The following DCUN1D2 variants were observed in gnomAD, a reference collection of about 807,000 sequenced individuals.
The protein encoded by DCUN1D2 is defective in cullin neddylation 1 domain containing 2, also known as DCN1-like protein 2.
DCUN1D2 carries 29 observed loss-of-function variants against 30.9 expected under a neutral mutation model. The observed-to-expected ratio is 0.94, with a 90% confidence interval of 0.70 to 1.28. DCUN1D2 has a LOEUF of 1.28. DCUN1D2 is among the 50% of genes most tolerant of loss of function. The pLI is 0.00. For synonymous variants in DCUN1D2, 121 were observed against 115.3 expected (o/e 1.05, Z -0.32); for missense variants, 325 against 316.9 (o/e 1.03, Z -0.19).
At position 113,486,693 on chromosome 13, in the gene DCUN1D2, C is replaced by A. The variant is rs977415332; in HGVS notation, c.4-2637G>T. On this transcript the variant is annotated intron_variant, in intron 1 of 6. Coordinates refer to ENST00000478244, the MANE Select transcript of DCUN1D2 (RefSeq NM_001014283.2). ...CCTCCAGGAAAACATATATGGCCCT[C>A]ACACGTGCAGGCAGCTTTGCATAAA... 3.9e-5 allele frequency among the ~76,000 whole-genome samples: 6 copies of A among 152,198 alleles called. No homozygotes were observed. The East Asian group carries it at 1.2e-3, about 29-fold the overall frequency.
intron 2 of DCUN1D2, among the ~76,000 whole-genome samples, chr13:113,483,535 C>A (rs943656147): frequency 2.6e-5 from 4 of 152,222 alleles, no homozygotes; most frequent in African/African-American, 9.6e-5. Flanking sequence ...AGCCTCCCAG[C>A]AGCAGCTTTT....
chr13:113,464,951 C>T (rs932255692), intron 4 of DCUN1D2, among the ~76,000 whole-genome samples: 10 of 152,216 alleles, frequency 6.6e-5, no homozygotes, highest in Non-Finnish European at 1.5e-4. Context: ...CCTAGAAAAG[C>T]TCCATAATAC....
rs3814807 is a variant in DCUN1D2 at position 113,489,864 on chromosome 13, C to T, written c.3+803G>A. ...GCCGCATCCTACAAGTTCCTGGAAC[C>T]CGTGCCTTAGCCTTTGTCCCAACTG... On this transcript the variant is annotated intron_variant, in intron 1 of 6. Coordinates refer to ENST00000478244, the MANE Select transcript of DCUN1D2 (RefSeq NM_001014283.2). 8.4e-4 allele frequency among the ~76,000 whole-genome samples: 128 copies of T among 152,232 alleles called. 1 individual carries two copies. The East Asian group carries it at 0.015, about 18-fold the overall frequency.
chr13:113,483,188 C>T (rs1458780625), intron 2 of DCUN1D2, among the ~76,000 whole-genome samples: 1 of 152,132 alleles, frequency 6.6e-6, no homozygotes. Flanking sequence ...CGTGGATCTG[C>T]GTATGCTCAT....
chr13:113,460,211 C>T (rs1366419398), intron 5 of DCUN1D2, among the ~76,000 whole-genome samples: 2 of 152,230 alleles, frequency 1.3e-5, no homozygotes, highest in Admixed American at 6.5e-5. Context: ...CAGACAGCTC[C>T]GCCCTCCACC....
chr13:113,483,512 C>T (rs753666659), intron 2 of DCUN1D2, among the ~76,000 whole-genome samples: 4 of 152,226 alleles, frequency 2.6e-5, no homozygotes, highest in Admixed American at 1.3e-4. Context: ...GACACAGTCA[C>T]GCCAAGACAC....
intron 4 of DCUN1D2, among the ~76,000 whole-genome samples, chr13:113,468,044 A>G (rs1218973117): frequency 1.9e-5 from 1 of 53,302 alleles, no homozygotes; most frequent in African/African-American, 2.9e-4. Flanking sequence ...GATCCATCTT[A>G]AAAAAAAAAA....
intron 4 of DCUN1D2, among the ~76,000 whole-genome samples, chr13:113,469,673 A>G (rs1333280614): frequency 6.8e-6 from 1 of 147,628 alleles, no homozygotes. Flanking sequence ...GGAGACCTCA[A>G]CTCTAAAACA....
At position 113,455,900 on chromosome 13, in the gene DCUN1D2, A is replaced by C. The variant is rs1003990803; in HGVS notation, c.*2129T>G. 1.6e-5 allele frequency: 4 copies of C among 248,464 alleles called. No homozygotes were observed. Among genetic ancestry groups the C allele is most frequent in the African/African-American group, 8.9e-5 (4 of 44,960 alleles). The allele number at this position is 248,464 out of a possible 1,614,324, so 15.4% of individuals were successfully genotyped here. A position where few individuals can be genotyped will look rare whatever the true frequency, so the allele number is the denominator to read the frequency against. On this transcript the variant is annotated 3_prime_UTR_variant, in exon 7 of 7. Transcript: ENST00000478244. ...CAAATGGATACAACAGAAGAAAAAAACCCACAATTTTTGGAAAAGCCTTTG... is the reference window on the plus strand; with the variant it reads ...CAAATGGATACAACAGAAGAAAAAACCCCACAATTTTTGGAAAAGCCTTTG...
At chr13:113,466,829 G>C (rs1356236528) in intron 4 of DCUN1D2, among the ~76,000 whole-genome samples, 2 of 122,830 alleles carry the variant, frequency 1.6e-5, no homozygotes, top group Middle Eastern at 5.5e-3. Context: ...TTTTTTTTGA[G>C]AGAGTCCTGC....
At position 113,481,205 on chromosome 13, in the gene DCUN1D2, T is replaced by C. The variant is rs150620491; in HGVS notation, c.221-462A>G. Among the ~76,000 whole-genome samples the C allele has an allele frequency of 2.0e-3, 311 of 152,336 alleles. 3 individuals are homozygous for C. Among genetic ancestry groups the C allele is most frequent in the African/African-American group, 6.9e-3 (289 of 41,586 alleles). ...TTTCTTAAGTGATTTCATTTGCTAA[T>C]TCTAATGGTACTGGACAATAACTAC... On this transcript the variant is annotated intron_variant, in intron 2 of 6. Coordinates refer to ENST00000478244, the MANE Select transcript of DCUN1D2 (RefSeq NM_001014283.2).
chr13:113,458,293 C>A (rs2044259368), intron 6 of DCUN1D2, among the ~76,000 whole-genome samples, 185 bp from the exon 7 acceptor site: 1 of 152,220 alleles, frequency 6.6e-6, no homozygotes, highest in Non-Finnish European at 1.5e-5. Flanking sequence ...ACGGCCAGGT[C>A]GGGAGCCCTG....
chr13:113,464,752 A>G (rs113978089), intron 4 of DCUN1D2, among the ~76,000 whole-genome samples: 14 of 152,394 alleles, frequency 9.2e-5, no homozygotes, highest in African/African-American at 3.4e-4. Context: ...GCCACTCAGC[A>G]GAATCTGCCC....
intron 1 of DCUN1D2, among the ~76,000 whole-genome samples, chr13:113,484,950 C>T (rs920948369): frequency 2.6e-5 from 4 of 151,974 alleles, no homozygotes; most frequent in South Asian, 2.1e-4. Flanking sequence ...TGGTGGCATG[C>T]GCCTATAGTC....
chr13:113,483,061 A>T (rs939471427), intron 2 of DCUN1D2, among the ~76,000 whole-genome samples: 1 of 152,242 alleles, frequency 6.6e-6, no homozygotes, highest in Non-Finnish European at 1.5e-5. Flanking sequence ...GTTTTGTTTT[A>T]AAGTTTTAGA....
rs759363824 is a variant in DCUN1D2, at chr13:113,458,009, A to T, written c.*20T>A. 1 of 1,602,770 alleles carries T rather than the reference A, an allele frequency of 6.2e-7. No individual in the cohort carries two copies. The highest frequency in any genetic ancestry group is 8.5e-7 in the Non-Finnish European group (1 of 1,169,828). The stretch of plus-strand genomic sequence containing the variant: ...AGGATACAAATCATTTCATAATCTT[A>T]CTCCTGCTTAACTTGCTGCCTAGAA... On this transcript the variant is annotated 3_prime_UTR_variant, in exon 7 of 7. Coordinates refer to ENST00000478244, the MANE Select transcript of DCUN1D2 (RefSeq NM_001014283.2).
chr13:113,490,518 C>G lies in DCUN1D2; in HGVS notation c.3+149G>C. ...ACGCCACCGCTCCGGCTCGCGGGCC[C>G]GCGGCGCGTTCCTCCCTCGGATCCA... On this transcript the variant is annotated intron_variant, in intron 1 of 6. Coordinates refer to ENST00000478244, the MANE Select transcript of DCUN1D2 (RefSeq NM_001014283.2). The surrounding 1 kb of genome is among the most constrained non-coding windows in gnomAD (Gnocchi z 5.2). 1.2e-6 allele frequency: 1 copy of G among 868,814 alleles called. No individual in the cohort carries two copies. The highest frequency in any genetic ancestry group is 1.5e-6 in the Non-Finnish European group (1 of 657,546). The allele number at this position is 868,814 out of a possible 1,614,324, so 53.8% of individuals were successfully genotyped here. A position where few individuals can be genotyped will look rare whatever the true frequency, so the allele number is the denominator to read the frequency against.
At chr13:113,459,981 G>A (rs894831448) in intron 5 of DCUN1D2, among the ~76,000 whole-genome samples, 8 of 152,182 alleles carry the variant, frequency 5.3e-5, no homozygotes, top group Non-Finnish European at 7.3e-5. Context: ...CACTGTGAGC[G>A]CCTTCATCCC....
At chr13:113,461,812 T>C (rs2044322614) in intron 4 of DCUN1D2, among the ~76,000 whole-genome samples, 2 of 152,234 alleles carry the variant, frequency 1.3e-5, no homozygotes, top group African/African-American at 4.8e-5. Flanking sequence ...AGATGTCTAA[T>C]AGAATATGAA....
Sources: gnomAD v4.1 joint callset for allele counts (sites outside exome capture counted in the v4.1 genomes callset) on GRCh38, gnomAD v4.1.1 for gene constraint, Gnocchi (gnomAD v3.1) non-coding constraint, MANE v1.5 for transcripts, NCBI Gene and HGNC (gene_info 2026-07-23, HGNC 2026-07-21) for gene names.